Variants in RHOBTB2 observed in about 807,000 individuals in gnomAD.
RHOBTB2 encodes Rho related BTB domain containing 2, also known as rho-related BTB domain-containing protein 2.
RHOBTB2 carries 39 observed loss-of-function variants against 66.5 expected under a neutral mutation model. The ratio of observed to expected loss-of-function variants is 0.59; its 90% CI spans 0.45 to 0.77. The LOEUF is 0.77. Ranked by LOEUF, RHOBTB2 falls within the 30% of genes least tolerant of loss-of-function variation. The probability of loss-of-function intolerance (pLI) is 0.00; values close to 1 mark genes in which losing one functional copy is unlikely to be tolerated. For synonymous variants in RHOBTB2, 390 were observed against 395.0 expected, an observed-to-expected ratio of 0.99 and a Z score of 0.15; for missense variants, 755 against 999.1, an observed-to-expected ratio of 0.76 and a Z score of 3.29.
the RHOBTB2 span, among the ~76,000 whole-genome samples, chr8:22,976,646 G>C: frequency 6.6e-6 from 1 of 151,226 alleles, no homozygotes; most frequent in Non-Finnish European, 1.5e-5. Context: ...TTTTTTTTCT[G>C]ATACAGTCTC....
upstream of RHOBTB2, among the ~76,000 whole-genome samples, chr8:22,986,151 TC>T (rs1415154616): frequency 1.3e-5 from 2 of 151,610 alleles, no homozygotes; most frequent in Non-Finnish European, 2.9e-5. Context: ...TCTCTCTCTC[TC>T]TCTCTCTCTC....
intron 7 of RHOBTB2, among the ~76,000 whole-genome samples, chr8:23,014,085 A>G (rs1811220694): frequency 6.6e-6 from 1 of 152,136 alleles, no homozygotes; most frequent in African/African-American, 2.4e-5. Context: ...TACTGGGATG[A>G]CTGTTGTTTC....
At chr8:22,956,822 G>A in the RHOBTB2 span, among the ~76,000 whole-genome samples, 6 of 152,204 alleles carry the variant, frequency 3.9e-5, no homozygotes, top group Middle Eastern at 3.4e-3. Flanking sequence ...CACCATGCCC[G>A]GCTAATTTTA....
intron 1 of RHOBTB2, among the ~76,000 whole-genome samples, chr8:23,002,121 C>G (rs573542790): frequency 8.5e-5 from 13 of 152,362 alleles, no homozygotes; most frequent in African/African-American, 2.9e-4. Flanking sequence ...CCGCTTCTGT[C>G]TACAGACCTA....
chr8:22,959,001 C>A, the RHOBTB2 span, among the ~76,000 whole-genome samples: 2 of 152,066 alleles, frequency 1.3e-5, no homozygotes, highest in South Asian at 4.1e-4. Context: ...CCAGGCTAGT[C>A]CAGTAGTCCT....
the RHOBTB2 span, among the ~76,000 whole-genome samples, chr8:22,950,966 C>T: frequency 6.6e-6 from 1 of 152,130 alleles, no homozygotes; most frequent in Admixed American, 6.6e-5. Context: ...GCTTACTTGT[C>T]TATGTCTGCA....
the RHOBTB2 span, among the ~76,000 whole-genome samples, chr8:22,964,220 T>C: frequency 6.6e-6 from 1 of 152,174 alleles, no homozygotes; most frequent in Non-Finnish European, 1.5e-5. Flanking sequence ...TCCCACCAGG[T>C]TCCTCCCACA....
chr8:22,995,879 C>A (rs750617453), upstream of RHOBTB2: 65 of 1,551,374 alleles, frequency 4.2e-5, no homozygotes, highest in Admixed American at 1.2e-3. Flanking sequence ...GCCATGAAAG[C>A]GCGGTTAGTA....
intron 2 of RHOBTB2, chr8:22,994,528 C>T: frequency 2.2e-6 from 3 of 1,362,786 alleles, no homozygotes; most frequent in Non-Finnish European, 2.0e-6. Flanking sequence ...TCTCCCCTGC[C>T]CCGCCCCATC....
chr8:22,964,234 C>T, the RHOBTB2 span, among the ~76,000 whole-genome samples: 159 of 152,238 alleles, frequency 1.0e-3, no homozygotes, highest in Non-Finnish European at 1.9e-3. Flanking sequence ...TCCCACAACA[C>T]GTGGGAATTG....
chr8:22,977,031 A>G, the RHOBTB2 span, among the ~76,000 whole-genome samples: 1 of 148,660 alleles, frequency 6.7e-6, no homozygotes, highest in Non-Finnish European at 1.5e-5. Flanking sequence ...GAGGTGGAAG[A>G]GTTGCTTGAC....
chr8:22,979,696 TTTTTTTC>T, the RHOBTB2 span, among the ~76,000 whole-genome samples: 56 of 151,298 alleles, frequency 3.7e-4, no homozygotes, highest in Middle Eastern at 3.4e-3. Context: ...GGGAATTCTT[TTTTTTTC>T]TTTTTTCTTT....
At position 23,008,342 on chromosome 8, in the gene RHOBTB2, A is replaced by G. The variant is rs1811036193; in HGVS notation, c.1620+231A>G. ...AGAGTTTAGAAAGCACTTTCTGTTC[A>G]TTATCTCATTAAATTCACACGCAAC... is the stretch of plus-strand genomic sequence containing the variant. On this transcript the variant is annotated intron_variant, in intron 6 of 9. Transcript: ENST00000251822. Among the ~76,000 whole-genome samples, 2 of 152,092 alleles carry G rather than the reference A, an allele frequency of 1.3e-5. 1 individual carries two copies. The highest frequency in any genetic ancestry group is 4.1e-4 in the South Asian group (2 of 4,824).
chr8:22,968,690 G>A, the RHOBTB2 span, among the ~76,000 whole-genome samples: 14 of 151,966 alleles, frequency 9.2e-5, no homozygotes, highest in Non-Finnish European at 2.1e-4. Context: ...AAACAAAATT[G>A]AAAGTCTAGG....
At chr8:23,000,224 T>C in intron 1 of RHOBTB2, 119 bp downstream of exon 1, 1 of 659,864 alleles carries the variant, frequency 1.5e-6, no homozygotes, top group Non-Finnish European at 1.9e-6. Flanking sequence ...CGCTAGTCCC[T>C]GGGCTCTGGC....
the RHOBTB2 span, among the ~76,000 whole-genome samples, chr8:22,962,948 A>G: frequency 4.9e-4 from 75 of 152,354 alleles, no homozygotes; most frequent in African/African-American, 1.7e-3. Flanking sequence ...ATGGGCAGGT[A>G]AGGGAAAGCA....
In RHOBTB2 at chr8:22,999,567, G is replaced by T. The variant is rs1280394092; in HGVS notation, c.-549G>T. The T allele has an allele frequency of 4.1e-6, 5 of 1,210,682 alleles. No homozygotes were observed. Among genetic ancestry groups the T allele is most frequent in the Non-Finnish European group, 3.1e-6 (3 of 956,396 alleles). The allele number at this position is 1,210,682 out of a possible 1,614,324, so 75.0% of individuals were successfully genotyped here. On this transcript the variant is annotated 5_prime_UTR_variant, in exon 1 of 10. Coordinates refer to ENST00000251822, the MANE Select transcript of RHOBTB2 (RefSeq NM_015178.3). ...GTGGGCGGGGCCCGTCACGGCTGTCGTCTTGGGTGCGATTTTTTTCTCCTC... is the reference window on the plus strand; with the variant it reads ...GTGGGCGGGGCCCGTCACGGCTGTCTTCTTGGGTGCGATTTTTTTCTCCTC...
At chr8:22,973,929 C>T in the RHOBTB2 span, among the ~76,000 whole-genome samples, 16 of 151,724 alleles carry the variant, frequency 1.1e-4, no homozygotes, top group African/African-American at 3.7e-4. Flanking sequence ...CCACGCCCCA[C>T]CATTTGAGTC....
chr8:22,993,031 C>A (rs1810462630), intron 2 of RHOBTB2, among the ~76,000 whole-genome samples: 1 of 152,248 alleles, frequency 6.6e-6, no homozygotes, highest in Non-Finnish European at 1.5e-5. Flanking sequence ...AAGAGGCTGG[C>A]CAGCCGGGAG....
Sources: gnomAD v4.1 joint callset for allele counts (sites outside exome capture counted in the v4.1 genomes callset) on GRCh38, gnomAD v4.1.1 for gene constraint, MANE v1.5 for transcripts, NCBI Gene and HGNC (gene_info 2026-07-23, HGNC 2026-07-21) for gene names.